Variants in HMGCLL1 observed in about 807,000 individuals in gnomAD.
HMGCLL1 encodes 3-hydroxymethyl-3-methylglutaryl-CoA lyase, cytoplasmic.
Under a neutral mutation model 39.1 loss-of-function variants are expected in HMGCLL1, and 36 were observed. That is an observed-to-expected ratio of 0.92 (90% CI 0.71 to 1.22). The LOEUF (loss-of-function observed/expected upper bound fraction) is 1.22. Among genes scored for constraint, HMGCLL1 ranks in the 50% most tolerant of loss-of-function variants. The probability of loss-of-function intolerance (pLI) is 0.00; values close to 1 mark genes in which losing one functional copy is unlikely to be tolerated. For missense variants in HMGCLL1, 451 were observed against 416.5 expected (o/e 1.08, Z -0.72); for synonymous variants, 149 against 144.0 (o/e 1.03, Z -0.25).
At chr6:55,583,519 A>G (rs1484569360), upstream of HMGCLL1, among the ~76,000 whole-genome samples, 1 of 152,152 alleles carries the variant, frequency 6.6e-6, no homozygotes, top group Admixed American at 6.6e-5. Context: ...TACAAAGGAC[A>G]TGAACTCATC....
chr6:55,609,650 A>C, the HMGCLL1 span, among the ~76,000 whole-genome samples: 1 of 152,150 alleles, frequency 6.6e-6, no homozygotes, highest in Non-Finnish European at 1.5e-5. Context: ...CCCCCAGGGC[A>C]GCACAACTCG....
the HMGCLL1 span, among the ~76,000 whole-genome samples, chr6:55,651,287 C>T: frequency 2.6e-5 from 4 of 152,014 alleles, no homozygotes; most frequent in Admixed American, 1.3e-4. Context: ...TCATGTTAGA[C>T]GAAGTGCAGC....
intron 7 of HMGCLL1, among the ~76,000 whole-genome samples, chr6:55,472,089 T>C (rs1765072587): frequency 6.6e-6 from 1 of 151,822 alleles, no homozygotes; most frequent in East Asian, 1.9e-4. Context: ...TTGGAGTTAC[T>C]ATAAAGAGTA....
At chr6:55,518,226 C>T (rs541336635) in intron 3 of HMGCLL1, among the ~76,000 whole-genome samples, 3 of 151,032 alleles carry the variant, frequency 2.0e-5, no homozygotes, top group African/African-American at 7.3e-5. Flanking sequence ...GGAGACAAAA[C>T]AGATACACAT....
chr6:55,547,517 A>G (rs1770056466), intron 1 of HMGCLL1, among the ~76,000 whole-genome samples: 1 of 151,912 alleles, frequency 6.6e-6, no homozygotes, highest in Non-Finnish European at 1.5e-5. Context: ...CTTATGTTTC[A>G]TGCACTTCAT....
intron 3 of HMGCLL1, among the ~76,000 whole-genome samples, chr6:55,540,067 G>C (rs1416271285): frequency 1.4e-5 from 2 of 145,514 alleles, no homozygotes; most frequent in African/African-American, 5.1e-5. Flanking sequence ...GCAAAGGAGG[G>C]AAGGGAAGGA....
chr6:55,631,777 A>T, the HMGCLL1 span, among the ~76,000 whole-genome samples: 1 of 152,118 alleles, frequency 6.6e-6, no homozygotes, highest in Non-Finnish European at 1.5e-5. Flanking sequence ...ACAACATGAC[A>T]AATTAATGAA....
chr6:55,561,782 G>A (rs1356085513), intron 1 of HMGCLL1, among the ~76,000 whole-genome samples: 1 of 152,020 alleles, frequency 6.6e-6, no homozygotes, highest in Admixed American at 6.6e-5. Context: ...ATAGTTTGAA[G>A]AGCATTTTCT....
At chr6:55,650,550 G>A in the HMGCLL1 span, among the ~76,000 whole-genome samples, 9 of 151,976 alleles carry the variant, frequency 5.9e-5, no homozygotes, top group African/African-American at 2.2e-4. Context: ...CACCAGTACT[G>A]GAGGTGCACT....
chr6:55,676,560 CCACTTATTACACATTTGCCTA>C, the HMGCLL1 span, among the ~76,000 whole-genome samples: 6 of 152,150 alleles, frequency 3.9e-5, no homozygotes, highest in Non-Finnish European at 8.8e-5. Context: ...AGCATTCCTC[CCACTTATTACACATTTGCCTA>C]CACTTAATAA....
At chr6:55,657,121 T>C in the HMGCLL1 span, among the ~76,000 whole-genome samples, 1 of 152,166 alleles carries the variant, frequency 6.6e-6, no homozygotes, top group African/African-American at 2.4e-5. Context: ...ATGCATAGTT[T>C]GCAAAACTTT....
chr6:55,453,802 A>G (rs1377984394), intron 7 of HMGCLL1, among the ~76,000 whole-genome samples: 1 of 152,210 alleles, frequency 6.6e-6, no homozygotes, highest in Non-Finnish European at 1.5e-5. Flanking sequence ...TTTGAGATAA[A>G]TTTACTAGGT....
the HMGCLL1 span, among the ~76,000 whole-genome samples, chr6:55,658,382 A>G: frequency 0.029 from 4,454 of 152,004 alleles, 232 homozygotes; most frequent in African/African-American, 0.1. Context: ...CCTAAATTGA[A>G]TAATGTGTCC....
chr6:55,533,813 G>C (rs1244040200), intron 3 of HMGCLL1, among the ~76,000 whole-genome samples: 2 of 141,372 alleles, frequency 1.4e-5, no homozygotes, highest in Non-Finnish European at 1.5e-5. Context: ...GTGAACCCGG[G>C]AGGCGGAGCT....
the HMGCLL1 span, among the ~76,000 whole-genome samples, chr6:55,613,793 G>T: frequency 6.6e-6 from 1 of 152,080 alleles, no homozygotes. Flanking sequence ...CAAGGGGAGG[G>T]AGAGTATTGG....
rs535146811 is a variant in HMGCLL1 at position 55,457,998 on chromosome 6, T to C, written c.796-18439A>G. Among the ~76,000 whole-genome samples the C allele has an allele frequency of 5.9e-5, 9 of 152,256 alleles. 1 individual carries two copies. In the South Asian group the frequency reaches 1.2e-3, roughly 21 times the overall value. Reference sequence around the variant, plus strand: ...CACTAGAACCACATATTTGGAGTGATGAAGACATGTTTTCCTAGAAGTGGG... The same window carrying C: ...CACTAGAACCACATATTTGGAGTGACGAAGACATGTTTTCCTAGAAGTGGG... On this transcript the variant is annotated intron_variant, in intron 7 of 8. Transcript: ENST00000274901.
At chr6:55,650,115 A>AT in the HMGCLL1 span, among the ~76,000 whole-genome samples, 5 of 79,390 alleles carry the variant, frequency 6.3e-5, 1 homozygote, top group African/African-American at 2.9e-4. Flanking sequence ...ATATATATAT[A>AT]TATATATATA....
chr6:55,599,602 A>C, the HMGCLL1 span, among the ~76,000 whole-genome samples: 1 of 152,310 alleles, frequency 6.6e-6, no homozygotes, highest in East Asian at 1.9e-4. Flanking sequence ...CCGCAATTAA[A>C]GAAAAATAAG....
chr6:55,552,700 G>A (rs1350847480), intron 1 of HMGCLL1, among the ~76,000 whole-genome samples: 1 of 151,934 alleles, frequency 6.6e-6, no homozygotes, highest in East Asian at 1.9e-4. Context: ...CCCTGTGCTA[G>A]AATTTGGTCA....
Sources: allele counts gnomAD v4.1 joint callset (sites outside exome capture counted in the v4.1 genomes callset), GRCh38; gene constraint gnomAD v4.1.1; transcripts MANE v1.5; gene names NCBI Gene and HGNC (gene_info 2026-07-23, HGNC 2026-07-21).